PGAP1: variants seen among roughly 807,000 people sequenced by gnomAD.
PGAP1 encodes the protein GPI inositol-deacylase.
In PGAP1, 76 loss-of-function variants were observed where a neutral mutation model predicts 127.0. The observed-to-expected ratio is 0.60, with a 90% CI of 0.50 to 0.72. The LOEUF (loss-of-function observed/expected upper bound fraction) is 0.72, where lower values mean the gene tolerates loss of function less well. Ranked by LOEUF, PGAP1 falls within the 30% of genes least tolerant of loss-of-function variation. The pLI, the probability that PGAP1 is intolerant of heterozygous loss-of-function variation, is 0.00. For synonymous variants in PGAP1, 362 were observed against 366.5 expected, an observed-to-expected ratio of 0.99 and a Z score of 0.14; for missense variants, 982 against 1,071.3, an observed-to-expected ratio of 0.92 and a Z score of 1.16.
intron 16 of PGAP1, 149 bp downstream of exon 16, chr2:196,873,379 T>C (rs1701465065): frequency 1.6e-6 from 1 of 629,584 alleles, no homozygotes; most frequent in Non-Finnish European, 2.8e-6. Context: ...TTAAATCCCC[T>C]GGAAATATAA....
At chr2:196,893,016 A>T in intron 8 of PGAP1, 124 bp downstream of exon 8, 1 of 485,830 alleles carries the variant, frequency 2.1e-6, no homozygotes, top group Non-Finnish European at 3.6e-6. Flanking sequence ...ATATGTATAT[A>T]TATAATAGGA....
chr2:196,926,554 T>C lies in PGAP1; in HGVS notation c.63A>G (p.Ala21=). ...AGAAGACATCCCACAGCCCCAGGGT[T>C]GCCAGAAAGACCATGAAGACATAAA... ...LAFYVFMVFL[A]TLGLWDVFFG... The change falls in exon 1 of 27, where the codon GCA becomes GCG. Residue 21 remains alanine (A), a synonymous_variant. Coordinates refer to ENST00000354764, the MANE Select transcript of PGAP1 (RefSeq NM_024989.4). 1 of 1,614,154 alleles carries C rather than the reference T, an allele frequency of 6.2e-7. No individual in the cohort carries two copies.
At chr2:196,851,990 C>T (rs934019814) in intron 20 of PGAP1, among the ~76,000 whole-genome samples, 1 of 152,118 alleles carries the variant, frequency 6.6e-6, no homozygotes, top group Non-Finnish European at 1.5e-5. Flanking sequence ...ACGTGATCTG[C>T]ATTCTACAGG....
chr2:196,871,114 A>C (rs1453912304), intron 18 of PGAP1, 135 bp from the exon 19 acceptor site: 4 of 586,380 alleles, frequency 6.8e-6, no homozygotes, highest in Non-Finnish European at 1.2e-5. Context: ...AAGGCACTCA[A>C]GATCTTAAAG....
At chr2:196,876,241 T>A (rs914143866) in intron 13 of PGAP1, among the ~76,000 whole-genome samples, 4 of 152,102 alleles carry the variant, frequency 2.6e-5, no homozygotes, top group Non-Finnish European at 4.4e-5. Context: ...TTGTTTTATA[T>A]CTTTTTGAAA....
In PGAP1 at chr2:196,835,809, C is replaced by T. The variant is rs1379406884; in HGVS notation, c.*5425G>A. The T allele has an allele frequency of 2.6e-5, 4 of 152,334 alleles. No homozygotes were observed. The highest frequency in any genetic ancestry group is 4.8e-5 in the African/African-American group (2 of 41,414). 9.4% of individuals were successfully genotyped at this position (152,334 alleles called of 1,614,324 possible). A position where few individuals can be genotyped will look rare whatever the true frequency, so the allele number is the denominator to read the frequency against. On this transcript the variant is annotated 3_prime_UTR_variant, in exon 27 of 27. Coordinates refer to ENST00000354764, the MANE Select transcript of PGAP1 (RefSeq NM_024989.4). Reference sequence around the variant, plus strand: ...TATGCTAAAGAGAATTCAAATGTGTCTCTTTTTTTTGCTAAAAAAGGGATG... The same window carrying T: ...TATGCTAAAGAGAATTCAAATGTGTTTCTTTTTTTTGCTAAAAAAGGGATG...
chr2:196,873,681 T>C lies in PGAP1; in HGVS notation c.1500+4A>G. ...TCCTTTTTCTTGTAGTCAGGATTAA[T>C]TACCTGTCCAAAGTTCAGAAGCTCT... On this transcript the variant is annotated splice_donor_region_variant and intron_variant, in intron 15 of 26. Coordinates refer to ENST00000354764, the MANE Select transcript of PGAP1 (RefSeq NM_024989.4). 6.2e-7 allele frequency: 1 copy of C among 1,607,074 alleles called. No homozygotes were observed. Among genetic ancestry groups the C allele is most frequent in the Non-Finnish European group, 8.5e-7 (1 of 1,173,950 alleles).
At chr2:196,884,304 C>T (rs1420267578) in intron 12 of PGAP1, among the ~76,000 whole-genome samples, 3 of 152,050 alleles carry the variant, frequency 2.0e-5, no homozygotes, top group African/African-American at 4.8e-5. Flanking sequence ...AATGAGTGTG[C>T]AGTAAGTATA....
At position 196,888,628 on chromosome 2, in the gene PGAP1, G is replaced by A. The variant is rs182168964; in HGVS notation, c.1173+2200C>T. The stretch of plus-strand genomic sequence containing the variant: ...TCTTTGAACATTTAAGTAGCATGGG[G>A]GAAAGGGGGTGGGGCTATTTATTAT... On this transcript the variant is annotated intron_variant, in intron 10 of 26. Transcript: ENST00000354764. 5.3e-5 allele frequency among the ~76,000 whole-genome samples: 8 copies of A among 152,132 alleles called. No individual in the cohort carries two copies. In the East Asian group the frequency reaches 1.4e-3, roughly 26 times the overall value.
intron 7 of PGAP1, among the ~76,000 whole-genome samples, chr2:196,894,547 A>G (rs1255871063): frequency 1.3e-5 from 2 of 152,182 alleles, no homozygotes; most frequent in African/African-American, 2.4e-5. Context: ...TCATGCCTGT[A>G]ATTCCAGCAC....
chr2:196,871,552 A>G (rs1701410235), intron 18 of PGAP1, among the ~76,000 whole-genome samples: 1 of 152,170 alleles, frequency 6.6e-6, no homozygotes, highest in South Asian at 2.1e-4. Flanking sequence ...AATATTATAA[A>G]TATGAACATG....
At chr2:196,857,612 G>A (rs1344872125) in intron 20 of PGAP1, among the ~76,000 whole-genome samples, 2 of 152,078 alleles carry the variant, frequency 1.3e-5, no homozygotes, top group Non-Finnish European at 2.9e-5. Flanking sequence ...GAATCAACAT[G>A]GTCATTTGTG....
chr2:196,848,550 A>G (rs2125779907), intron 20 of PGAP1, among the ~76,000 whole-genome samples: 1 of 152,306 alleles, frequency 6.6e-6, no homozygotes, highest in Non-Finnish European at 1.5e-5. Flanking sequence ...CATACATGGA[A>G]TCATAATATG....
intron 18 of PGAP1, among the ~76,000 whole-genome samples, chr2:196,871,745 G>A (rs1701417757): frequency 6.6e-6 from 1 of 152,108 alleles, no homozygotes; most frequent in African/African-American, 2.4e-5. Context: ...TCCTTGAAAA[G>A]TTAGTTCTAA....
In PGAP1 at chr2:196,861,168, T is replaced by C. The variant is rs1394824337; in HGVS notation, c.1861+3819A>G. 3.3e-5 allele frequency among the ~76,000 whole-genome samples: 5 copies of C among 152,286 alleles called. No homozygotes were observed. In the East Asian group the frequency reaches 9.7e-4, roughly 29 times the overall value. ...GAAACTAGATCCCTATCTTTCATCA[T>C]ATGCAAAAATTAAATCAAAATAAAG... On this transcript the variant is annotated intron_variant, in intron 20 of 26. Coordinates refer to ENST00000354764, the MANE Select transcript of PGAP1 (RefSeq NM_024989.4).
chr2:196,867,169 A>G (rs1701269367), intron 19 of PGAP1, among the ~76,000 whole-genome samples: 1 of 152,176 alleles, frequency 6.6e-6, no homozygotes, highest in African/African-American at 2.4e-5. Flanking sequence ...TTCTACTATA[A>G]AGACACATGC....
chr2:196,873,275 C>T (rs1362542634), intron 16 of PGAP1, among the ~76,000 whole-genome samples: 1 of 151,874 alleles, frequency 6.6e-6, no homozygotes, highest in African/African-American at 2.4e-5. Flanking sequence ...ATCTGAATTA[C>T]TACTATAAGA....
At chr2:196,879,980 T>C in intron 13 of PGAP1, 96 bp downstream of exon 13, 1 of 848,534 alleles carries the variant, frequency 1.2e-6, no homozygotes, top group Non-Finnish European at 1.9e-6. Flanking sequence ...GCTACTGTTT[T>C]AGATAAACTG....
intron 7 of PGAP1, 29 bp from the exon 8 acceptor site, chr2:196,893,274 C>A (rs779862014): frequency 8.4e-7 from 1 of 1,197,298 alleles, no homozygotes; most frequent in Non-Finnish European, 1.2e-6. Flanking sequence ...CATTCTGTAT[C>A]ATTTTGTATC....
Sources: gnomAD v4.1 joint callset for allele counts (sites outside exome capture counted in the v4.1 genomes callset) on GRCh38, gnomAD v4.1.1 for gene constraint, MANE v1.5 for transcripts, NCBI Gene and HGNC (gene_info 2026-07-23, HGNC 2026-07-21) for gene names.